The following MTFR1 variants were observed in gnomAD, a reference collection of about 807,000 sequenced individuals.
MTFR1 encodes chondrocyte protein with a poly-proline region.
Under a neutral mutation model 38.8 loss-of-function variants are expected in MTFR1, and 28 were observed. The observed-to-expected ratio is 0.72, with a 90% confidence interval of 0.53 to 0.99. MTFR1 has a LOEUF of 0.99. Among genes scored for constraint, MTFR1 ranks in the 50% least tolerant of loss-of-function variants. MTFR1 has a pLI of 0.00. For synonymous variants in MTFR1, 145 were observed against 137.0 expected, an observed-to-expected ratio of 1.06 and a Z score of -0.41; for missense variants, 358 against 395.5, an observed-to-expected ratio of 0.91 and a Z score of 0.81.
chr8:65,707,384 GCC>G (rs1805815833), intron 6 of MTFR1, 128 bp downstream of exon 6: 1 of 943,226 alleles, frequency 1.1e-6, no homozygotes, highest in African/African-American at 1.7e-5. Context: ...AAAAAGATGA[GCC>G]CCAGTGGCTT....
At chr8:65,747,626 T>C (rs1267083529) in intron 3 of MTFR1, 3 of 1,483,904 alleles carry the variant, frequency 2.0e-6, no homozygotes, top group Non-Finnish European at 9.3e-7. Flanking sequence ...AAAAAATTAA[T>C]GTTTTCTTAA....
intron 4 of MTFR1, among the ~76,000 whole-genome samples, chr8:65,697,097 G>A (rs892163071): frequency 2.7e-5 from 4 of 149,126 alleles, no homozygotes; most frequent in African/African-American, 5.0e-5. Flanking sequence ...TGATTCCCCT[G>A]CCTCAGCCTC....
intron 3 of MTFR1, among the ~76,000 whole-genome samples, chr8:65,752,777 A>G (rs903099717): frequency 6.6e-6 from 1 of 152,042 alleles, no homozygotes; most frequent in Non-Finnish European, 1.5e-5. Context: ...GACACTCTAA[A>G]CTGTCTATGT....
intron 1 of MTFR1, among the ~76,000 whole-genome samples, chr8:65,662,110 C>T (rs866310729): frequency 5.1e-5 from 5 of 98,412 alleles, no homozygotes; most frequent in Admixed American, 2.2e-4. Context: ...CCACAGTCTC[C>T]CTCTCCCTCT....
At chr8:65,681,089 T>C (rs1804872164) in intron 2 of MTFR1, among the ~76,000 whole-genome samples, 2 of 151,666 alleles carry the variant, frequency 1.3e-5, no homozygotes, top group Non-Finnish European at 2.9e-5. Flanking sequence ...ATTTTTTGTA[T>C]TTTTAGTAGA....
chr8:65,650,678 A>G (rs1809098487), intron 1 of MTFR1, among the ~76,000 whole-genome samples: 1 of 152,010 alleles, frequency 6.6e-6, no homozygotes, highest in African/African-American at 2.4e-5. Flanking sequence ...TATGTATCAC[A>G]TTTTCTTTAT....
At chr8:65,679,862 T>C (rs72666526) in intron 2 of MTFR1, among the ~76,000 whole-genome samples, 16,661 of 152,194 alleles carry the variant, frequency 0.11, 1,117 homozygotes, top group Middle Eastern at 0.17. Context: ...TCTTCTAAGC[T>C]TCAGAGTAAC....
chr8:65,689,493 C>A, intron 3 of MTFR1: 2 of 883,124 alleles, frequency 2.3e-6, no homozygotes, highest in South Asian at 1.8e-5. Flanking sequence ...TGAATTTTTG[C>A]TCTGAATGAA....
At chr8:65,695,347 A>AT (rs61505221) in intron 4 of MTFR1, among the ~76,000 whole-genome samples, 16,635 of 148,256 alleles carry the variant, frequency 0.11, 1,103 homozygotes, top group Middle Eastern at 0.17. Context: ...TGGTGAAACA[A>AT]TTTTTTTTTT....
chr8:65,682,517 T>C (rs781478958), intron 3 of MTFR1, 66 bp downstream of exon 3: 10 of 909,558 alleles, frequency 1.1e-5, no homozygotes, highest in Non-Finnish European at 1.5e-5. Context: ...ATAGGCAAGA[T>C]GGTTTTAAAA....
Position 65,739,513 on chromosome 8 carries a change from C to T in MTFR1, c.*48+20032C>T, listed in dbSNP as rs758770224. On this transcript the variant is annotated intron_variant, in intron 3 of 3. Coordinates refer to the MTFR1 transcript ENST00000521247. ...TTAGAATCACTTACCTAAAAATCTACGAAGTTTCATCATATCTAAATGGAA... is the reference window on the plus strand; with the variant it reads ...TTAGAATCACTTACCTAAAAATCTATGAAGTTTCATCATATCTAAATGGAA... The T allele has an allele frequency of 4.6e-5, 71 of 1,558,374 alleles. No homozygotes were observed. The highest frequency in any genetic ancestry group is 1.0e-4 in the South Asian group (8 of 79,534).
At chr8:65,761,063 T>TC (rs1447809683) in intron 3 of MTFR1, among the ~76,000 whole-genome samples, 2 of 151,994 alleles carry the variant, frequency 1.3e-5, no homozygotes, top group Non-Finnish European at 2.9e-5. Flanking sequence ...TATTGTTTTT[T>TC]CTTTTTTTTT....
At chr8:65,746,269 G>A (rs2128905937) in intron 3 of MTFR1, among the ~76,000 whole-genome samples, 1 of 152,032 alleles carries the variant, frequency 6.6e-6, no homozygotes, top group South Asian at 2.1e-4. Context: ...TAGGGACGTA[G>A]AAACAAGCAA....
downstream of MTFR1, among the ~76,000 whole-genome samples, chr8:65,775,932 C>T (rs2128922588): frequency 6.6e-6 from 1 of 152,190 alleles, no homozygotes; most frequent in African/African-American, 2.4e-5. Flanking sequence ...CCGGCCTCTT[C>T]CCTTTTCTTT....
chr8:65,671,516 T>C (rs1200504417), intron 2 of MTFR1, among the ~76,000 whole-genome samples: 3 of 121,174 alleles, frequency 2.5e-5, no homozygotes, highest in African/African-American at 9.4e-5. Context: ...GCCTGAGCAA[T>C]AGAATAGAGC....
intron 2 of MTFR1, among the ~76,000 whole-genome samples, chr8:65,675,391 C>G (rs996869959): frequency 1.3e-5 from 2 of 152,044 alleles, no homozygotes; most frequent in Non-Finnish European, 2.9e-5. Flanking sequence ...GTCAGGAGAT[C>G]GAGACCATCC....
chr8:65,739,346 A>G (rs550089097), intron 3 of MTFR1, among the ~76,000 whole-genome samples: 3 of 152,354 alleles, frequency 2.0e-5, no homozygotes, highest in East Asian at 3.9e-4. Flanking sequence ...ACAGCCCCAC[A>G]GATGCAAGAG....
chr8:65,667,346 G>GT (rs146242871), intron 1 of MTFR1, among the ~76,000 whole-genome samples: 4,509 of 144,866 alleles, frequency 0.031, 202 homozygotes, highest in African/African-American at 0.1. Context: ...TGTGTATACT[G>GT]TTTTTTTTTT....
intron 5 of MTFR1, among the ~76,000 whole-genome samples, chr8:65,705,965 C>T (rs1458316636): frequency 6.6e-6 from 1 of 152,130 alleles, no homozygotes; most frequent in African/African-American, 2.4e-5. Context: ...ATTGTTGTTT[C>T]CAAGGCCTGG....
Sources: gnomAD v4.1 joint callset for allele counts (sites outside exome capture counted in the v4.1 genomes callset) on GRCh38, gnomAD v4.1.1 for gene constraint, MANE v1.5 for transcripts, NCBI Gene and HGNC (gene_info 2026-07-23, HGNC 2026-07-21) for gene names.